PTH2R: variants seen among roughly 807,000 people sequenced by gnomAD.
The protein encoded by PTH2R is parathyroid hormone 2 receptor.
A neutral mutation model predicts 60.3 loss-of-function variants in PTH2R; 59 were observed. That is an observed-to-expected ratio of 0.98 (90% CI 0.79 to 1.22). The LOEUF (loss-of-function observed/expected upper bound fraction) is 1.22, where lower values mean the gene tolerates loss of function less well. PTH2R is among the 50% of genes most tolerant of loss of function. PTH2R has a pLI of 0.00. For missense variants in PTH2R, 749 were observed against 682.6 expected, an observed-to-expected ratio of 1.10 and a Z score of -1.08; for synonymous variants, 256 against 243.8, an observed-to-expected ratio of 1.05 and a Z score of -0.47.
In PTH2R at chr2:208,459,943, G is replaced by A. The variant is rs61741765; in HGVS notation, c.963G>A (p.Pro321=). ...AGDIKWIYQA[P]ILAAIGLNFI... ...ACATCAAGTGGATTTATCAAGCACC[G>A]ATCTTAGCAGCTATTGGGGTAAGTT... is the stretch of plus-strand genomic sequence containing the variant. Residue 321 remains proline (P), a synonymous_variant, in exon 9 of 13, where the codon CCG becomes CCA. Coordinates refer to ENST00000272847, the MANE Select transcript of PTH2R (RefSeq NM_005048.4). The A allele has an allele frequency of 2.0e-3, 3,152 of 1,612,842 alleles. 39 individuals are homozygous for A. In the African/African-American group the frequency reaches 0.026, roughly 13 times the overall value.
At chr2:208,405,937 C>A (rs115298851), upstream of PTH2R, among the ~76,000 whole-genome samples, 242 of 152,314 alleles carry the variant, frequency 1.6e-3, no homozygotes, top group African/African-American at 5.5e-3. Context: ...GCACTTTGAT[C>A]TTGGACTTCC....
chr2:208,490,571 G>T, intron 11 of PTH2R, 68 bp from the exon 12 acceptor site: 1 of 1,492,468 alleles, frequency 6.7e-7, no homozygotes, highest in South Asian at 1.2e-5. Context: ...TACACATTTT[G>T]GCACAAGATG....
At chr2:208,364,587 A>G (rs1176214712) in intron 1 of PTH2R, among the ~76,000 whole-genome samples, 2 of 151,986 alleles carry the variant, frequency 1.3e-5, no homozygotes, top group African/African-American at 4.8e-5. Flanking sequence ...ATTGATTTGT[A>G]TATCTGTCTT....
chr2:208,432,348 G>T (rs1222974211), intron 2 of PTH2R, among the ~76,000 whole-genome samples: 1 of 152,164 alleles, frequency 6.6e-6, no homozygotes, highest in Non-Finnish European at 1.5e-5. Context: ...TCAGGATGGT[G>T]TATAATTTTA....
At chr2:208,365,741 CTTTTT>C (rs776318745) in intron 1 of PTH2R, among the ~76,000 whole-genome samples, 1 of 126,236 alleles carries the variant, frequency 7.9e-6, no homozygotes, top group Non-Finnish European at 1.7e-5. Context: ...GATGTAAATT[CTTTTT>C]TTTTTTTTTT....
At chr2:208,473,062 G>A (rs1385072647) in intron 9 of PTH2R, among the ~76,000 whole-genome samples, 1 of 152,184 alleles carries the variant, frequency 6.6e-6, no homozygotes, top group Non-Finnish European at 1.5e-5. Context: ...GACTTAGGTG[G>A]TATATGCAAG....
At chr2:208,448,528 G>C (rs1027650168) in intron 7 of PTH2R, among the ~76,000 whole-genome samples, 17 of 151,216 alleles carry the variant, frequency 1.1e-4, no homozygotes, top group Admixed American at 1.1e-3. Context: ...CAGCTGCTGG[G>C]GAGGCTGAGG....
chr2:208,439,743 C>T (rs948335229), intron 4 of PTH2R, among the ~76,000 whole-genome samples: 1 of 152,068 alleles, frequency 6.6e-6, no homozygotes, highest in Non-Finnish European at 1.5e-5. Context: ...AAAACAGTAG[C>T]ATACTGTAGA....
intron 5 of PTH2R, among the ~76,000 whole-genome samples, 171 bp downstream of exon 5, chr2:208,442,632 G>T (rs990220003): frequency 1.3e-5 from 2 of 152,090 alleles, no homozygotes; most frequent in African/African-American, 2.4e-5. Flanking sequence ...CAAATTCAGG[G>T]TTCTTTGTTT....
intron 2 of PTH2R, among the ~76,000 whole-genome samples, chr2:208,428,802 C>T (rs1301191795): frequency 6.6e-6 from 1 of 152,124 alleles, no homozygotes; most frequent in African/African-American, 2.4e-5. Flanking sequence ...TGTGTTGGGA[C>T]AGCCGGGCAC....
Position 208,493,264 on chromosome 2 carries a change from G to GT in PTH2R, c.1260dup (p.Gln421SerfsTer67). ...GCACAGCATGTTTCTCGTGGCTTAG[G>GT]TTCAGGCAGAGGTGAAGAAGATGTG... On this transcript the variant is annotated frameshift_variant and splice_region_variant, in exon 13 of 13. Transcript: ENST00000272847. LOFTEE classifies it low-confidence loss of function (END_TRUNC). 1 of 1,500,460 alleles carries GT rather than the reference G, an allele frequency of 6.7e-7. No individual in the cohort carries two copies. Among genetic ancestry groups the GT allele is most frequent in the South Asian group, 1.4e-5 (1 of 72,434 alleles). The allele number at this position is 1,500,460 out of a possible 1,614,324, so 92.9% of individuals were successfully genotyped here. A position where few individuals can be genotyped will look rare whatever the true frequency, so the allele number is the denominator to read the frequency against.
chr2:208,379,122 C>G (rs1385110533), intron 1 of PTH2R, among the ~76,000 whole-genome samples: 1 of 152,142 alleles, frequency 6.6e-6, no homozygotes, highest in African/African-American at 2.4e-5. Context: ...GTTCATACCA[C>G]CATTATCACT....
chr2:208,451,093 G>T (rs992813823), intron 8 of PTH2R, among the ~76,000 whole-genome samples: 1 of 151,960 alleles, frequency 6.6e-6, no homozygotes, highest in Non-Finnish European at 1.5e-5. Context: ...GAAAGAGATG[G>T]GTAAGAGAAT....
At chr2:208,474,486 G>C (rs1702955596) in intron 9 of PTH2R, among the ~76,000 whole-genome samples, 1 of 152,168 alleles carries the variant, frequency 6.6e-6, no homozygotes, top group Non-Finnish European at 1.5e-5. Flanking sequence ...TATAAAGGAA[G>C]ACTAGAAATC....
chr2:208,388,141 C>CCCCG (rs1553541039), intron 1 of PTH2R, among the ~76,000 whole-genome samples: 1 of 150,314 alleles, frequency 6.7e-6, no homozygotes, highest in South Asian at 2.2e-4. Flanking sequence ...AACCCCCCCC[C>CCCCG]CCGTCTCTAC....
Position 208,443,432 on chromosome 2 carries a change from C to T in PTH2R, c.594C>T (p.Asp198=), listed in dbSNP as rs748920349. ...GAGCTACAAGCATCTTTGTCAAAGA[C>T]AGAGTAGTCCATGCTCACATAGGAG... ...MLRATSIFVK[D]RVVHAHIGVK... Residue 198 remains aspartate (D), a synonymous_variant, in exon 6 of 13, where the codon GAC becomes GAT. Coordinates refer to ENST00000272847, the MANE Select transcript of PTH2R (RefSeq NM_005048.4). 5.6e-6 allele frequency: 9 copies of T among 1,613,474 alleles called. No homozygotes were observed. Among genetic ancestry groups the T allele is most frequent in the Non-Finnish European group, 6.8e-6 (8 of 1,179,644 alleles).
chr2:208,448,126 CA>C (rs1245550036), intron 7 of PTH2R, among the ~76,000 whole-genome samples: 1 of 152,126 alleles, frequency 6.6e-6, no homozygotes, highest in African/African-American at 2.4e-5. Context: ...AACAGTCCCA[CA>C]CTCCCATTTT....
intron 1 of PTH2R, among the ~76,000 whole-genome samples, chr2:208,409,660 G>C (rs1358118654): frequency 6.6e-6 from 1 of 152,102 alleles, no homozygotes; most frequent in Non-Finnish European, 1.5e-5. Context: ...CCATAAAATA[G>C]ATGATATAGA....
chr2:208,428,556 C>G (rs6717363), intron 2 of PTH2R, among the ~76,000 whole-genome samples: 2,039 of 152,266 alleles, frequency 0.013, 47 homozygotes, highest in African/African-American at 0.046. Flanking sequence ...TCAGCCTATC[C>G]CTTAGTCCTT....
Sources: allele counts gnomAD v4.1 joint callset (sites outside exome capture counted in the v4.1 genomes callset), GRCh38; gene constraint gnomAD v4.1.1; transcripts MANE v1.5; gene names NCBI Gene and HGNC (gene_info 2026-07-23, HGNC 2026-07-21).